The following RABGAP1L variants were observed in gnomAD, a reference collection of about 807,000 sequenced individuals.
RABGAP1L encodes RAB GTPase activating protein 1 like, also known as rab GTPase-activating protein 1-like.
Under a neutral mutation model 137.7 loss-of-function variants are expected in RABGAP1L, and 63 were observed. The ratio of observed to expected loss-of-function variants is 0.46; its 90% CI spans 0.37 to 0.56. The LOEUF (loss-of-function observed/expected upper bound fraction) is 0.56. Ranked by LOEUF, RABGAP1L falls within the 20% of genes least tolerant of loss-of-function variation. The pLI is 0.00. For missense variants in RABGAP1L, 1,095 were observed against 1,244.0 expected, an observed-to-expected ratio of 0.88 and a Z score of 1.80; for synonymous variants, 431 against 433.7, an observed-to-expected ratio of 0.99 and a Z score of 0.08.
In RABGAP1L at chr1:174,448,658, C is replaced by G. The variant is rs760613879; in HGVS notation, c.1710+54513C>G. The G allele has an allele frequency of 6.2e-7, 1 of 1,613,748 alleles. No individual in the cohort carries two copies. Among genetic ancestry groups the G allele is most frequent in the South Asian group, 1.1e-5 (1 of 91,068 alleles). ...GCCTTCCTTTTTTGGCTGGGGGAAACCTGGTTACCATGGTGACATTTTTGA... is the reference window on the plus strand; with the variant it reads ...GCCTTCCTTTTTTGGCTGGGGGAAAGCTGGTTACCATGGTGACATTTTTGA... On this transcript the variant is annotated intron_variant, in intron 13 of 25. Transcript: ENST00000681986. The surrounding 1 kb of genome is among the most constrained non-coding windows in gnomAD (Gnocchi z 4.2).
In RABGAP1L at chr1:174,990,210, C is replaced by CA. The variant is rs11442359; in HGVS notation, c.*209_*210insA. 0.058 allele frequency: 31,696 copies of CA among 547,808 alleles called. 7,723 individuals are homozygous for CA. Among genetic ancestry groups the CA allele is most frequent in the African/African-American group, 0.53 (28,084 of 52,574 alleles). The allele number at this position is 547,808 out of a possible 1,614,324, so 33.9% of individuals were successfully genotyped here. On this transcript the variant is annotated 3_prime_UTR_variant, in exon 26 of 26. Transcript: ENST00000681986. ...ATGTTGAATACCTATTTTCCAGCTT[C>CA]TGGAAGGCCATGTTCAGATCCATCA...
chr1:174,622,670 C>T (rs887493427), intron 13 of RABGAP1L, among the ~76,000 whole-genome samples: 2 of 152,092 alleles, frequency 1.3e-5, no homozygotes, highest in East Asian at 3.9e-4. Flanking sequence ...CACATGGACA[C>T]AGGAAGGGGA....
chr1:174,875,854 A>T (rs1467761358), intron 19 of RABGAP1L: 1 of 331,446 alleles, frequency 3.0e-6, no homozygotes, highest in East Asian at 1.7e-4. Flanking sequence ...AGCACTGTAG[A>T]ACAAAAATGA....
At chr1:174,525,721 A>G (rs1013976600) in intron 13 of RABGAP1L, among the ~76,000 whole-genome samples, 1 of 152,038 alleles carries the variant, frequency 6.6e-6, no homozygotes, top group Admixed American at 6.6e-5. Flanking sequence ...CATTTTGTAG[A>G]GGAAAGGCTT....
intron 19 of RABGAP1L, among the ~76,000 whole-genome samples, chr1:174,931,399 T>C (rs1320089287): frequency 6.6e-6 from 1 of 152,240 alleles, no homozygotes; most frequent in Non-Finnish European, 1.5e-5. Flanking sequence ...TTTGTTTCAC[T>C]GATCCTCTTT....
rs142649034 is a variant in RABGAP1L, at chr1:174,409,554, C to T, written c.1710+15409C>T. Among the ~76,000 whole-genome samples the T allele has an allele frequency of 2.0e-3, 309 of 152,246 alleles. 10 individuals are homozygous for T. The East Asian group carries it at 0.054, about 27-fold the overall frequency. ...GGAAGACAACCATAATGTCTGACTG[C>T]CTGCGGGGTCGGGCAGAATAGAGCC... On this transcript the variant is annotated intron_variant, in intron 13 of 25. Transcript: ENST00000681986.
At chr1:174,897,803 A>G (rs1657457377) in intron 19 of RABGAP1L, 2 of 152,106 alleles carry the variant, frequency 1.3e-5, no homozygotes, top group Admixed American at 6.6e-5. Flanking sequence ...CAGCCTGGAC[A>G]ACATAGTGAA....
intron 18 of RABGAP1L, among the ~76,000 whole-genome samples, chr1:174,811,544 G>A (rs1689874667): frequency 6.6e-6 from 1 of 152,054 alleles, no homozygotes; most frequent in South Asian, 2.1e-4. Context: ...GCTGTAACTT[G>A]GTAAGCTTTG....
intron 13 of RABGAP1L, among the ~76,000 whole-genome samples, chr1:174,596,987 G>A (rs535320033): frequency 2.6e-4 from 40 of 152,056 alleles, no homozygotes; most frequent in Non-Finnish European, 3.7e-4. Context: ...TATGGTCTAC[G>A]TCCTTCATTC....
chr1:174,508,192 A>G (rs1662008002), intron 13 of RABGAP1L, among the ~76,000 whole-genome samples: 1 of 152,114 alleles, frequency 6.6e-6, no homozygotes. Flanking sequence ...TTCTCTACAA[A>G]CAATTTCAGG....
At chr1:174,503,486 C>T (rs952242001) in intron 13 of RABGAP1L, among the ~76,000 whole-genome samples, 1 of 151,426 alleles carries the variant, frequency 6.6e-6, no homozygotes, top group African/African-American at 2.4e-5. Flanking sequence ...ACAGTGAAAC[C>T]CCATCTCTAC....
intron 11 of RABGAP1L, among the ~76,000 whole-genome samples, chr1:174,342,426 C>T (rs1400623055): frequency 6.6e-6 from 1 of 152,206 alleles, no homozygotes; most frequent in East Asian, 1.9e-4. Flanking sequence ...ACGTGATTCT[C>T]TGTACTAATC....
intron 13 of RABGAP1L, among the ~76,000 whole-genome samples, chr1:174,452,245 T>G (rs1471721524): frequency 6.6e-6 from 1 of 152,226 alleles, no homozygotes; most frequent in Non-Finnish European, 1.5e-5. Flanking sequence ...TGTATTCTTT[T>G]TCCTAAGGGT....
chr1:174,586,545 G>GA (rs963695901), intron 13 of RABGAP1L, among the ~76,000 whole-genome samples: 5 of 149,518 alleles, frequency 3.3e-5, no homozygotes, highest in East Asian at 3.9e-4. Context: ...CAGAACTTAA[G>GA]AAAAAAAAAT....
Position 174,990,132 on chromosome 1 carries a change from CTCTT to C in RABGAP1L, c.*136_*139del. The C allele has an allele frequency of 8.5e-7, 1 of 1,170,798 alleles. No individual in the cohort carries two copies. The allele number at this position is 1,170,798 out of a possible 1,614,324, so 72.5% of individuals were successfully genotyped here. ...AGCCAGAATTTTTCAGTAGCTCTCA[CTCTT>C]TCTTGTATGACACTTTTCAAAGGGA... is the stretch of plus-strand genomic sequence containing the variant. On this transcript the variant is annotated 3_prime_UTR_variant, in exon 26 of 26. Transcript: ENST00000681986.
At chr1:174,513,216 CAATATT>C (rs752164647) in intron 13 of RABGAP1L, among the ~76,000 whole-genome samples, 7 of 152,182 alleles carry the variant, frequency 4.6e-5, no homozygotes, top group African/African-American at 1.2e-4. Context: ...TAGCATCACT[CAATATT>C]AATATAATTT....
rs1358011506 is a variant in RABGAP1L at position 174,702,236 on chromosome 1, A to G, written c.2149A>G (p.Ile717Val). ...KFPLCMVFHI[I>V]DLLLCEGLNI... Reference sequence around the variant, plus strand: ...CCCACTCTGCATGGTGTTCCACATCATTGACTTACTGCTTTGTGAGGTAGA... The same window carrying G: ...CCCACTCTGCATGGTGTTCCACATCGTTGACTTACTGCTTTGTGAGGTAGA... Residue 717 changes from isoleucine (I) to valine (V), a missense_variant, in exon 17 of 26, where the codon ATT becomes GTT. By Grantham distance (29) the Ile-to-Val change is conservative (BLOSUM62 3). Transcript: ENST00000681986. 5.6e-6 allele frequency: 9 copies of G among 1,609,374 alleles called. No individual in the cohort carries two copies. The highest frequency in any genetic ancestry group is 5.4e-5 in the African/African-American group (4 of 74,710).
At chr1:174,832,714 T>C (rs1452734661) in intron 19 of RABGAP1L, among the ~76,000 whole-genome samples, 1 of 152,200 alleles carries the variant, frequency 6.6e-6, no homozygotes, top group Non-Finnish European at 1.5e-5. Context: ...CTCCTGGCTG[T>C]CTCTGTGTGT....
At chr1:174,636,417 A>T (rs1274619644) in intron 13 of RABGAP1L, among the ~76,000 whole-genome samples, 2 of 152,166 alleles carry the variant, frequency 1.3e-5, no homozygotes, top group Admixed American at 1.3e-4. Context: ...AATCCCAGCT[A>T]CTTGGGAGGC....
Sources: allele counts gnomAD v4.1 joint callset (sites outside exome capture counted in the v4.1 genomes callset), GRCh38; gene constraint gnomAD v4.1.1; non-coding constraint Gnocchi (gnomAD v3.1); transcripts MANE v1.5; gene names NCBI Gene and HGNC (gene_info 2026-07-23, HGNC 2026-07-21).